RBFOX2: variants seen among roughly 807,000 people sequenced by gnomAD.
RBFOX2 encodes the protein RNA binding protein fox-1 homolog 2.
RBFOX2 carries 10 observed loss-of-function variants against 49.1 expected under a neutral mutation model. The ratio of observed to expected loss-of-function variants is 0.20; its 90% CI spans 0.13 to 0.35. The LOEUF is 0.35. Ranked by LOEUF, RBFOX2 falls within the 10% of genes least tolerant of loss-of-function variation. The pLI, the probability that RBFOX2 is intolerant of heterozygous loss-of-function variation, is 1.00. For missense variants in RBFOX2, 323 were observed against 486.9 expected, an observed-to-expected ratio of 0.66 and a Z score of 3.17; for synonymous variants, 183 against 187.4, an observed-to-expected ratio of 0.98 and a Z score of 0.19.
At chr22:35,770,247 G>C (rs1942282273) in intron 4 of RBFOX2, among the ~76,000 whole-genome samples, 1 of 152,098 alleles carries the variant, frequency 6.6e-6, no homozygotes, top group African/African-American at 2.4e-5. Flanking sequence ...AGAGTGATGA[G>C]TTTTAATATC....
rs1940644773 is a variant in RBFOX2 at position 35,765,496 on chromosome 22, A to C, written c.547-13T>G. 3 of 1,499,580 alleles carry C rather than the reference A, an allele frequency of 2.0e-6. No individual in the cohort carries two copies. The Admixed American group carries it at 5.3e-5, about 27-fold the overall frequency. 92.9% of individuals were successfully genotyped at this position (1,499,580 alleles called of 1,614,324 possible). On this transcript the variant is annotated splice_polypyrimidine_tract_variant and intron_variant, in intron 5 of 11. Coordinates refer to ENST00000405409, the Ensembl canonical transcript of RBFOX2. ...TAGCATTATTCACCTAAAAATAACA[A>C]GGAGAAAAAAGGGCAGGGAAGAAGT...
At chr22:35,813,580 A>AT (rs1952367057) in intron 1 of RBFOX2, among the ~76,000 whole-genome samples, 1 of 152,186 alleles carries the variant, frequency 6.6e-6, no homozygotes, top group Non-Finnish European at 1.5e-5. Context: ...CTATATTCTT[A>AT]TAACATTTAG....
chr22:36,001,222 CACACACACACACT>C (rs1008923166), intron 1 of RBFOX2, among the ~76,000 whole-genome samples: 15 of 135,228 alleles, frequency 1.1e-4, no homozygotes, highest in African/African-American at 2.3e-4. Context: ...CACACACACA[CACACACACACACT>C]ATATGTATAT....
chr22:35,861,186 C>T (rs1233307949), intron 1 of RBFOX2, among the ~76,000 whole-genome samples: 1 of 152,120 alleles, frequency 6.6e-6, no homozygotes, highest in African/African-American at 2.4e-5. Context: ...GACCACATAC[C>T]TAAAAATGTA....
chr22:35,913,071 T>C (rs1006319507), intron 1 of RBFOX2, among the ~76,000 whole-genome samples: 1 of 152,214 alleles, frequency 6.6e-6, no homozygotes, highest in Non-Finnish European at 1.5e-5. Context: ...AAATGATTTA[T>C]TGGCAAATCT....
At chr22:35,816,579 A>G (rs1362225231) in intron 1 of RBFOX2, among the ~76,000 whole-genome samples, 2 of 152,226 alleles carry the variant, frequency 1.3e-5, no homozygotes, top group South Asian at 4.1e-4. Context: ...AATCTATACA[A>G]TGAAATCTCC....
chr22:36,017,383 T>G (rs1426538731), intron 1 of RBFOX2, among the ~76,000 whole-genome samples: 1 of 151,880 alleles, frequency 6.6e-6, no homozygotes, highest in Non-Finnish European at 1.5e-5. Flanking sequence ...AAAAATTAGC[T>G]AGGCTTGGTG....
chr22:35,807,337 T>C (rs1048958021), intron 2 of RBFOX2, among the ~76,000 whole-genome samples: 1 of 152,074 alleles, frequency 6.6e-6, no homozygotes, highest in African/African-American at 2.4e-5. Flanking sequence ...GAATATTTTG[T>C]TGGAAAGACT....
chr22:35,969,054 T>C (rs753355579), intron 1 of RBFOX2, among the ~76,000 whole-genome samples: 5 of 152,144 alleles, frequency 3.3e-5, no homozygotes, highest in African/African-American at 4.8e-5. Flanking sequence ...TAAGAGTACT[T>C]GACAAGTGCA....
At chr22:35,808,026 CAG>C (rs1489126737) in intron 2 of RBFOX2, among the ~76,000 whole-genome samples, 1 of 151,496 alleles carries the variant, frequency 6.6e-6, no homozygotes, top group African/African-American at 2.4e-5. Context: ...TAACAAGAAA[CAG>C]AGAATAAAAA....
chr22:35,764,042 G>C lies in RBFOX2; in HGVS notation c.607+1381C>G, dbSNP rs988654251. ...TTTGAGTTTTTATCAAAATTGTAGAGACTTGTTTTTGTAAGAGCAGTGAAA... is the reference window on the plus strand; with the variant it reads ...TTTGAGTTTTTATCAAAATTGTAGACACTTGTTTTTGTAAGAGCAGTGAAA... On this transcript the variant is annotated intron_variant, in intron 6 of 11. Transcript: ENST00000405409. 7.2e-5 allele frequency among the ~76,000 whole-genome samples: 11 copies of C among 152,250 alleles called. No individual in the cohort carries two copies. The East Asian group carries it at 1.7e-3, about 24-fold the overall frequency.
chr22:35,896,904 T>C (rs1210966623), intron 1 of RBFOX2, among the ~76,000 whole-genome samples: 3 of 152,222 alleles, frequency 2.0e-5, no homozygotes, highest in African/African-American at 7.2e-5. Flanking sequence ...AAATAAATCT[T>C]GACTTTCCAT....
chr22:35,785,087 T>C lies in RBFOX2; in HGVS notation c.253-3341A>G, dbSNP rs1202730765. On this transcript the variant is annotated intron_variant, in intron 2 of 11. Coordinates refer to ENST00000405409, the Ensembl canonical transcript of RBFOX2. ...ATCAAAACTCACTGCAGCCTCAACC[T>C]CCTGGGTTCAAGTGATCCTCCCACC... 2.0e-5 allele frequency among the ~76,000 whole-genome samples: 3 copies of C among 152,140 alleles called. No homozygotes were observed. The South Asian group carries it at 6.2e-4, about 32-fold the overall frequency.
At chr22:35,930,628 G>A (rs937163308) in intron 1 of RBFOX2, among the ~76,000 whole-genome samples, 6 of 151,806 alleles carry the variant, frequency 4.0e-5, no homozygotes, top group South Asian at 2.1e-4. Flanking sequence ...TCAGGAGTTC[G>A]AGATCAGCCT....
intron 1 of RBFOX2, among the ~76,000 whole-genome samples, chr22:35,953,799 C>G (rs1168854997): frequency 6.6e-6 from 1 of 151,950 alleles, no homozygotes; most frequent in Admixed American, 6.6e-5. Flanking sequence ...TAAATATAGA[C>G]ACAAAAAAGT....
intron 1 of RBFOX2, 89 bp downstream of exon 2, chr22:35,938,758 A>G (rs2053381816): frequency 7.9e-7 from 1 of 1,269,464 alleles, no homozygotes; most frequent in Admixed American, 1.8e-5. Context: ...AAAGTAAGTA[A>G]TTTCAGGAAA....
intron 1 of RBFOX2, among the ~76,000 whole-genome samples, chr22:36,023,555 T>C (rs2059322687): frequency 6.6e-6 from 1 of 152,210 alleles, no homozygotes; most frequent in Admixed American, 6.5e-5. Flanking sequence ...AAAGAATTCA[T>C]TCCCCACTAC....
Position 35,916,618 on chromosome 22 carries a change from G to A in RBFOX2, c.-34+22229C>T, listed in dbSNP as rs534917475. On this transcript the variant is annotated intron_variant, in intron 1 of 13. Transcript: ENST00000359369. ...TGTTAATAGTAATGAGGAGTGGGCC[G>A]GCCGTGGTAGCTCATGCCTGTAATC... Among the ~76,000 whole-genome samples the A allele has an allele frequency of 9.8e-4, 149 of 152,244 alleles. 1 individual carries two copies. Among genetic ancestry groups the A allele is most frequent in the Non-Finnish European group, 2.0e-3 (133 of 68,024 alleles).
chr22:35,843,919 C>T (rs1308965023), upstream of RBFOX2, among the ~76,000 whole-genome samples: 1 of 152,164 alleles, frequency 6.6e-6, no homozygotes, highest in African/African-American at 2.4e-5. Flanking sequence ...ACATTGCTGA[C>T]CACACTTGCT....
Sources: gnomAD v4.1 joint callset for allele counts (sites outside exome capture counted in the v4.1 genomes callset) on GRCh38, gnomAD v4.1.1 for gene constraint, MANE v1.5 for transcripts, NCBI Gene and HGNC (gene_info 2026-07-23, HGNC 2026-07-21) for gene names.